The following PHF14 variants were observed in gnomAD, a reference collection of about 807,000 sequenced individuals.
PHF14 encodes PHD finger protein 14.
Under a neutral mutation model 117.9 loss-of-function variants are expected in PHF14, and 55 were observed. The observed-to-expected ratio is 0.47, with a 90% CI of 0.38 to 0.58. The LOEUF is 0.58. Among genes scored for constraint, PHF14 ranks in the 20% least tolerant of loss-of-function variants. The pLI, the probability that PHF14 is intolerant of heterozygous loss-of-function variation, is 0.00. For missense variants in PHF14, 978 were observed against 1,122.2 expected (o/e 0.87, Z 1.84); for synonymous variants, 409 against 368.6 (o/e 1.11, Z -1.26).
intron 16 of PHF14, among the ~76,000 whole-genome samples, chr7:11,099,875 A>G (rs1381022960): frequency 6.6e-6 from 1 of 152,126 alleles, no homozygotes; most frequent in Non-Finnish European, 1.5e-5. Flanking sequence ...TCTGCCTAGC[A>G]TCACTACTAA....
At chr7:11,052,778 C>G (rs1218448322) in intron 14 of PHF14, among the ~76,000 whole-genome samples, 1 of 152,040 alleles carries the variant, frequency 6.6e-6, no homozygotes, top group African/African-American at 2.4e-5. Flanking sequence ...TGTATGCAAG[C>G]CTTTCACCAG....
In PHF14 at chr7:11,106,329, C is replaced by G. The variant is rs112509416; in HGVS notation, c.2655-5021C>G. On this transcript the variant is annotated intron_variant, in intron 16 of 17. Transcript: ENST00000634607. ...CCCATTCATTCATTATTGGCTGATA[C>G]AGAAGTCTGTAGTGGTATTAATGAA... 2,681 of 978,694 alleles carry G rather than the reference C, an allele frequency of 2.7e-3. 41 individuals are homozygous for G. In the African/African-American group the frequency reaches 0.044, roughly 16 times the overall value. The allele number at this position is 978,694 out of a possible 1,614,324, so 60.6% of individuals were successfully genotyped here. A position where few individuals can be genotyped will look rare whatever the true frequency, so the allele number is the denominator to read the frequency against.
intron 1 of PHF14, 118 bp downstream of exon 1, chr7:10,974,442 C>A (rs1781793331): frequency 6.9e-6 from 6 of 869,530 alleles, no homozygotes; most frequent in South Asian, 1.4e-5. Flanking sequence ...TTGGTGGACC[C>A]TCGCCCTCCA....
At chr7:11,031,169 C>T (rs1333704115) in intron 7 of PHF14, among the ~76,000 whole-genome samples, 1 of 151,372 alleles carries the variant, frequency 6.6e-6, no homozygotes, top group Non-Finnish European at 1.5e-5. Context: ...ACTACTTTTT[C>T]ATGGTGGTTT....
intron 16 of PHF14, among the ~76,000 whole-genome samples, chr7:11,074,687 C>G (rs1230428706): frequency 6.6e-6 from 1 of 152,138 alleles, no homozygotes; most frequent in Admixed American, 6.5e-5. Flanking sequence ...AAAATATAGC[C>G]AAGTTCTTTG....
intron 13 of PHF14, among the ~76,000 whole-genome samples, chr7:11,049,747 G>T (rs1347152311): frequency 6.6e-6 from 1 of 152,102 alleles, no homozygotes; most frequent in Non-Finnish European, 1.5e-5. Context: ...TTTCAATTCT[G>T]AGATTCTGTA....
At chr7:11,163,629 T>C (rs1039528660) in intron 17 of PHF14, among the ~76,000 whole-genome samples, 5 of 152,200 alleles carry the variant, frequency 3.3e-5, no homozygotes, top group Non-Finnish European at 1.5e-5. Context: ...TATGGTGGAA[T>C]TGTAAAACGT....
chr7:11,152,107 G>C lies in PHF14; in HGVS notation c.2773-17309G>C, dbSNP rs10499381. On this transcript the variant is annotated intron_variant, in intron 17 of 17. Transcript: ENST00000634607. ...TGTTTTGGATTTGAAAATTGCTTTT[G>C]ATCAGTACTGCAAGATAGACTTAGG... Among the ~76,000 whole-genome samples the C allele has an allele frequency of 1.1e-3, 162 of 152,006 alleles. 1 individual carries two copies. Among genetic ancestry groups the C allele is most frequent in the African/African-American group, 3.6e-3 (151 of 41,392 alleles).
intron 17 of PHF14, among the ~76,000 whole-genome samples, chr7:11,143,093 A>G (rs373937733): frequency 4.6e-5 from 7 of 152,160 alleles, no homozygotes; most frequent in African/African-American, 1.4e-4. Context: ...TACTTTGGGT[A>G]TCTATATTTC....
chr7:11,011,123 G>C (rs1180979359), intron 4 of PHF14, among the ~76,000 whole-genome samples: 3 of 152,196 alleles, frequency 2.0e-5, no homozygotes, highest in African/African-American at 7.2e-5. Context: ...TTGGTAAGTA[G>C]TGTTTTAATG....
chr7:10,979,695 A>G (rs543172162), intron 2 of PHF14, among the ~76,000 whole-genome samples: 5 of 152,168 alleles, frequency 3.3e-5, no homozygotes, highest in African/African-American at 1.2e-4. Flanking sequence ...GTAAATAAAT[A>G]TGGTTTATCT....
At chr7:11,078,425 C>G (rs1417952254) in intron 16 of PHF14, among the ~76,000 whole-genome samples, 1 of 152,124 alleles carries the variant, frequency 6.6e-6, no homozygotes, top group Non-Finnish European at 1.5e-5. Context: ...TTGGTTAAGT[C>G]TCTGCCAGGG....
intron 4 of PHF14, among the ~76,000 whole-genome samples, chr7:10,996,597 A>C (rs923151163): frequency 6.6e-6 from 1 of 152,250 alleles, no homozygotes; most frequent in South Asian, 2.1e-4. Context: ...GGTTATTGAA[A>C]AAAAAAACTA....
chr7:11,013,385 C>G (rs1194416632), intron 4 of PHF14, among the ~76,000 whole-genome samples: 1 of 152,156 alleles, frequency 6.6e-6, no homozygotes, highest in East Asian at 1.9e-4. Context: ...TGGTCTCGAA[C>G]TCCTCACCTC....
At chr7:10,992,935 T>TA (rs1161524335) in intron 4 of PHF14, among the ~76,000 whole-genome samples, 6 of 152,100 alleles carry the variant, frequency 3.9e-5, no homozygotes, top group Non-Finnish European at 1.5e-5. Flanking sequence ...CCAGTTTTTT[T>TA]TATTTTGGTT....
chr7:11,052,956 A>G (rs1234910529), intron 14 of PHF14, among the ~76,000 whole-genome samples: 1 of 152,132 alleles, frequency 6.6e-6, no homozygotes, highest in Admixed American at 6.5e-5. Flanking sequence ...TATGTTTTCT[A>G]TTACATCAGG....
chr7:10,989,175 C>T (rs945859852), intron 3 of PHF14, among the ~76,000 whole-genome samples: 1 of 152,064 alleles, frequency 6.6e-6, no homozygotes, highest in African/African-American at 2.4e-5. Context: ...GCATTCTTTT[C>T]TGATTGTTTT....
chr7:11,079,976 T>C (rs80287057), intron 16 of PHF14, among the ~76,000 whole-genome samples: 4,310 of 152,204 alleles, frequency 0.028, 200 homozygotes, highest in African/African-American at 0.099. Flanking sequence ...TTGCTAGAGC[T>C]GATTATACAA....
At chr7:11,166,422 C>T (rs1256025120) in intron 17 of PHF14, among the ~76,000 whole-genome samples, 1 of 151,712 alleles carries the variant, frequency 6.6e-6, no homozygotes, top group East Asian at 1.9e-4. Context: ...GCTTCCTTTG[C>T]AATTTTATTT....
Sources: gnomAD v4.1 joint callset for allele counts (sites outside exome capture counted in the v4.1 genomes callset) on GRCh38, gnomAD v4.1.1 for gene constraint, MANE v1.5 for transcripts, NCBI Gene and HGNC (gene_info 2026-07-23, HGNC 2026-07-21) for gene names.